WDR41: variants seen among roughly 807,000 people sequenced by gnomAD.
WDR41 encodes the protein WD repeat domain 41.
A neutral mutation model predicts 69.3 loss-of-function variants in WDR41; 63 were observed. The ratio of observed to expected loss-of-function variants is 0.91; its 90% CI spans 0.74 to 1.12. The LOEUF (loss-of-function observed/expected upper bound fraction) is 1.12, where lower values mean the gene tolerates loss of function less well. WDR41 is among the 50% of genes most tolerant of loss of function. The pLI, the probability that WDR41 is intolerant of heterozygous loss-of-function variation, is 0.00. For synonymous variants in WDR41, 185 were observed against 192.1 expected (o/e 0.96, Z 0.31); for missense variants, 543 against 534.5 (o/e 1.02, Z -0.16).
intron 2 of WDR41, among the ~76,000 whole-genome samples, chr5:77,482,600 A>G (rs1307084534): frequency 5.3e-5 from 8 of 152,192 alleles, no homozygotes; most frequent in African/African-American, 1.9e-4. Flanking sequence ...TAGAGACTAA[A>G]TAAGATCCAT....
chr5:77,477,762 G>C (rs1306896910), intron 2 of WDR41, among the ~76,000 whole-genome samples: 5 of 119,694 alleles, frequency 4.2e-5, no homozygotes, highest in Non-Finnish European at 6.6e-5. Flanking sequence ...ACAATTAAAA[G>C]AACTAGAAAA....
At chr5:77,497,145 G>A (rs891406522), upstream of WDR41, among the ~76,000 whole-genome samples, 6 of 151,810 alleles carry the variant, frequency 4.0e-5, no homozygotes, top group African/African-American at 1.5e-4. Flanking sequence ...AAAACTCTTA[G>A]AAGAAAAAAA....
chr5:77,551,980 A>AAAAT (rs1743305746), intron 1 of WDR41, among the ~76,000 whole-genome samples: 1 of 93,494 alleles, frequency 1.1e-5, no homozygotes, highest in South Asian at 3.8e-4. Context: ...CTCTGTCTCA[A>AAAAT]AAAATAAAAT....
At chr5:77,504,743 C>G (rs532424747) in intron 1 of WDR41, among the ~76,000 whole-genome samples, 2 of 152,272 alleles carry the variant, frequency 1.3e-5, no homozygotes, top group African/African-American at 4.8e-5. Context: ...TAAACGTAAT[C>G]CATCACATAA....
In WDR41 at chr5:77,476,385, G is replaced by C. The variant is rs549180512; in HGVS notation, c.168-11576C>G. On this transcript the variant is annotated intron_variant, in intron 2 of 12. Coordinates refer to ENST00000296679, the MANE Select transcript of WDR41 (RefSeq NM_018268.4). ...ACACATAATTGTCAGATTCACCAAA[G>C]TTGAAATGAAGGAAAAAATGTTAAG... 6.4e-4 allele frequency among the ~76,000 whole-genome samples: 97 copies of C among 151,706 alleles called. 1 individual carries two copies. The highest frequency in any genetic ancestry group is 2.0e-3 in the African/African-American group (83 of 41,310).
intron 1 of WDR41, among the ~76,000 whole-genome samples, chr5:77,616,283 G>A (rs552722051): frequency 1.5e-3 from 230 of 152,208 alleles, no homozygotes; most frequent in African/African-American, 5.3e-3. Context: ...TGATAAATAT[G>A]CCTGGCACCA....
chr5:77,539,382 T>G (rs1743047395), intron 1 of WDR41, among the ~76,000 whole-genome samples: 2 of 152,216 alleles, frequency 1.3e-5, no homozygotes, highest in South Asian at 4.1e-4. Context: ...CTTCTTAGAC[T>G]TTAATGTGCG....
chr5:77,493,719 A>G (rs2112139761), upstream of WDR41, among the ~76,000 whole-genome samples: 1 of 152,268 alleles, frequency 6.6e-6, no homozygotes, highest in African/African-American at 2.4e-5. Flanking sequence ...GTAAAACAAA[A>G]CTCAGAGACA....
intron 1 of WDR41, among the ~76,000 whole-genome samples, chr5:77,504,094 T>A (rs1581776871): frequency 6.6e-6 from 1 of 151,960 alleles, no homozygotes; most frequent in East Asian, 1.9e-4. Flanking sequence ...AGGAGCTGGC[T>A]TTTTGAAAAG....
chr5:77,613,924 G>A (rs1407315590), intron 1 of WDR41, among the ~76,000 whole-genome samples: 1 of 152,186 alleles, frequency 6.6e-6, no homozygotes, highest in African/African-American at 2.4e-5. Flanking sequence ...TCCAGAATCT[G>A]CAATGAACTC....
chr5:77,500,948 C>T (rs1469081862), intron 1 of WDR41, among the ~76,000 whole-genome samples: 2 of 152,210 alleles, frequency 1.3e-5, no homozygotes, highest in East Asian at 1.9e-4. Context: ...CTGCAGCTCC[C>T]AGCGTGATTG....
At chr5:77,517,631 CATATATATATATAT>C (rs34773798) in intron 1 of WDR41, among the ~76,000 whole-genome samples, 3 of 141,124 alleles carry the variant, frequency 2.1e-5, no homozygotes, top group Non-Finnish European at 4.6e-5. Flanking sequence ...ATTTATTGAA[CATATATATATATAT>C]ATATATATAT....
intron 1 of WDR41, among the ~76,000 whole-genome samples, chr5:77,549,500 T>C (rs1160574054): frequency 6.6e-6 from 1 of 151,948 alleles, no homozygotes; most frequent in African/African-American, 2.4e-5. Flanking sequence ...CATAATCTCA[T>C]TTTACAATAG....
rs138594953 is a variant in WDR41 at position 77,465,765 on chromosome 5, G to C, written c.168-956C>G. On this transcript the variant is annotated intron_variant, in intron 2 of 12. Coordinates refer to ENST00000296679, the MANE Select transcript of WDR41 (RefSeq NM_018268.4). ...TGAGAGAAAGAAGTGGTGTTAAAGA[G>C]AGCCAGCTATGAATGACATATAACT... Among the ~76,000 whole-genome samples, 1,356 of 150,694 alleles carry C rather than the reference G, an allele frequency of 9.0e-3. 23 individuals carry two copies. The highest frequency in any genetic ancestry group is 0.03 in the African/African-American group (1,211 of 41,028).
intron 1 of WDR41, among the ~76,000 whole-genome samples, chr5:77,588,007 T>C (rs1744071815): frequency 6.6e-6 from 1 of 152,224 alleles, no homozygotes; most frequent in Non-Finnish European, 1.5e-5. Context: ...GCACCCATTA[T>C]GTGGTACTTG....
intron 1 of WDR41, among the ~76,000 whole-genome samples, chr5:77,526,264 G>A (rs543143443): frequency 3.3e-5 from 5 of 150,250 alleles, no homozygotes; most frequent in African/African-American, 9.8e-5. Flanking sequence ...TTATGTCTAC[G>A]TCATTTCAAC....
intron 2 of WDR41, among the ~76,000 whole-genome samples, chr5:77,469,560 G>A (rs1038743451): frequency 6.6e-6 from 1 of 152,044 alleles, no homozygotes; most frequent in Non-Finnish European, 1.5e-5. Context: ...ACTCCATTAG[G>A]AAACAAATTT....
intron 1 of WDR41, among the ~76,000 whole-genome samples, chr5:77,516,747 A>G (rs1178194216): frequency 6.6e-6 from 1 of 152,196 alleles, no homozygotes; most frequent in Non-Finnish European, 1.5e-5. Context: ...AGCTGGGTGC[A>G]GTGGCTCACG....
At chr5:77,450,882 A>G (rs1799600363) in intron 7 of WDR41, among the ~76,000 whole-genome samples, 1 of 152,128 alleles carries the variant, frequency 6.6e-6, no homozygotes, top group African/African-American at 2.4e-5. Flanking sequence ...CCAAACTACA[A>G]ATCTCTATCC....
Sources: gnomAD v4.1 joint callset for allele counts (sites outside exome capture counted in the v4.1 genomes callset) on GRCh38, gnomAD v4.1.1 for gene constraint, MANE v1.5 for transcripts, NCBI Gene and HGNC (gene_info 2026-07-23, HGNC 2026-07-21) for gene names.